The following CRPPA variants were observed in gnomAD, a reference collection of about 807,000 sequenced individuals.
CRPPA encodes CDP-L-ribitol pyrophosphorylase A.
Under a neutral mutation model 52.0 loss-of-function variants are expected in CRPPA, and 43 were observed. That is an observed-to-expected ratio of 0.83 (90% CI 0.65 to 1.07). CRPPA has a LOEUF of 1.07. Among genes scored for constraint, CRPPA ranks in the 50% least tolerant of loss-of-function variants. CRPPA has a pLI of 0.00. For synonymous variants in CRPPA, 250 were observed against 203.5 expected (o/e 1.23, Z -1.94); for missense variants, 629 against 551.7 (o/e 1.14, Z -1.40).
chr7:16,140,605 T>C (rs891336926), intron 9 of CRPPA, among the ~76,000 whole-genome samples: 2 of 152,216 alleles, frequency 1.3e-5, no homozygotes, highest in Non-Finnish European at 2.9e-5. Flanking sequence ...TGCAGAGCAG[T>C]TTGCAAACTA....
chr7:16,094,583 G>GTGTT (rs964989017), intron 9 of CRPPA, among the ~76,000 whole-genome samples: 1 of 151,610 alleles, frequency 6.6e-6, no homozygotes, highest in Non-Finnish European at 1.5e-5. Flanking sequence ...GTGTGTGTGT[G>GTGTT]TATGTGTGTG....
chr7:16,237,756 C>T (rs930725412), intron 8 of CRPPA, among the ~76,000 whole-genome samples: 2 of 152,196 alleles, frequency 1.3e-5, no homozygotes, highest in East Asian at 3.8e-4. Context: ...AGACTTCAAA[C>T]TTAGAAGGCC....
rs936231593 is a variant in CRPPA, at chr7:16,298,929, T to C, written c.835+2492A>G. Among the ~76,000 whole-genome samples, 12 of 152,328 alleles carry C rather than the reference T, an allele frequency of 7.9e-5. 1 individual carries two copies. The highest frequency in any genetic ancestry group is 1.8e-4 in the Non-Finnish European group (12 of 68,028). On this transcript the variant is annotated intron_variant, in intron 5 of 9. Transcript: ENST00000407010. ...GGATTTACACCCTTGACTTCCCTTG[T>C]TCTCAGGCCTTTGGGTTTGTACTGG...
chr7:16,416,518 TGA>T (rs758887701), intron 1 of CRPPA, among the ~76,000 whole-genome samples: 8 of 152,186 alleles, frequency 5.3e-5, no homozygotes, highest in Admixed American at 2.0e-4. Flanking sequence ...AATTGACAAC[TGA>T]GAGAAAATTA....
chr7:16,145,327 T>C (rs1782954305), intron 9 of CRPPA, among the ~76,000 whole-genome samples: 1 of 152,006 alleles, frequency 6.6e-6, no homozygotes, highest in South Asian at 2.1e-4. Context: ...CAAGTACAAT[T>C]CCAGAAACAG....
At chr7:16,403,498 A>G (rs1185517704) in intron 2 of CRPPA, among the ~76,000 whole-genome samples, 1 of 152,194 alleles carries the variant, frequency 6.6e-6, no homozygotes, top group Non-Finnish European at 1.5e-5. Context: ...CTTGTTCAGA[A>G]AATGTGTGTG....
chr7:16,347,565 T>C (rs1374238390), intron 3 of CRPPA, among the ~76,000 whole-genome samples: 1 of 152,102 alleles, frequency 6.6e-6, no homozygotes, highest in African/African-American at 2.4e-5. Flanking sequence ...ATTAGCAATA[T>C]GGCAGAACAG....
intron 9 of CRPPA, among the ~76,000 whole-genome samples, chr7:16,205,398 G>A (rs1038647526): frequency 3.9e-5 from 6 of 152,178 alleles, no homozygotes; most frequent in East Asian, 1.9e-4. Context: ...TAAAAAATAC[G>A]AATGAGACTC....
chr7:16,191,997 T>C (rs923032768), intron 9 of CRPPA, among the ~76,000 whole-genome samples: 2 of 152,160 alleles, frequency 1.3e-5, no homozygotes, highest in Admixed American at 6.6e-5. Context: ...GTGAATTTTT[T>C]AACGATTTAA....
At chr7:16,191,939 G>C (rs774461664) in intron 9 of CRPPA, among the ~76,000 whole-genome samples, 1 of 152,126 alleles carries the variant, frequency 6.6e-6, no homozygotes, top group Non-Finnish European at 1.5e-5. Context: ...GAGATTGTAT[G>C]ATTTGTTCAC....
intron 3 of CRPPA, among the ~76,000 whole-genome samples, chr7:16,325,792 C>G (rs1785370563): frequency 6.6e-6 from 1 of 151,844 alleles, no homozygotes; most frequent in African/African-American, 2.4e-5. Flanking sequence ...CCCTATGAAA[C>G]AAAGGATTTG....
At chr7:16,389,946 T>A (rs1373487325) in intron 2 of CRPPA, among the ~76,000 whole-genome samples, 14 of 84,954 alleles carry the variant, frequency 1.6e-4, no homozygotes, top group African/African-American at 7.4e-4. Context: ...TATATATATA[T>A]ATATATATAT....
rs2128318414 is a variant in CRPPA at position 16,406,069 on chromosome 7, C to T, written c.526G>A (p.Glu176Lys). Residue 176 changes from glutamate to lysine, a missense_variant, in exon 2 of 10, where the codon GAA becomes AAA. Physicochemically the swap from Glu to Lys is moderately conservative, Grantham distance 56. Transcript: ENST00000407010. ...CAAGAAAAAAGACTTACCCCGTGTT[C>T]CTTAGCAGCTGTGACAACTTTAAGA... is the stretch of plus-strand genomic sequence containing the variant. ...VLLKVVTAAK[E>K]HGAAGAIRPL... is the part of the protein sequence containing the mutation. The T allele has an allele frequency of 3.7e-6, 6 of 1,613,194 alleles. No homozygotes were observed. Among genetic ancestry groups the T allele is most frequent in the Non-Finnish European group, 4.2e-6 (5 of 1,179,386 alleles).
intron 2 of CRPPA, among the ~76,000 whole-genome samples, chr7:16,400,331 T>G (rs894348803): frequency 7.2e-5 from 11 of 152,158 alleles, no homozygotes; most frequent in African/African-American, 2.7e-4. Flanking sequence ...CAACACCTGA[T>G]AGACACGTGA....
At chr7:16,250,801 A>T (rs1783427077) in intron 8 of CRPPA, among the ~76,000 whole-genome samples, 1 of 152,172 alleles carries the variant, frequency 6.6e-6, no homozygotes, top group Non-Finnish European at 1.5e-5. Flanking sequence ...TTGATGCTAT[A>T]AAGAAACTGC....
chr7:16,240,606 C>T (rs1345131984), intron 8 of CRPPA, among the ~76,000 whole-genome samples: 1 of 151,436 alleles, frequency 6.6e-6, no homozygotes, highest in Non-Finnish European at 1.5e-5. Context: ...CACACATTCA[C>T]ACACACACTA....
rs927797354 is a variant in CRPPA at position 16,090,861 on chromosome 7, T to A, written c.*834A>T. On this transcript the variant is annotated 3_prime_UTR_variant, in exon 10 of 10. Coordinates refer to ENST00000407010, the MANE Select transcript of CRPPA (RefSeq NM_001101426.4). Reference sequence around the variant, plus strand: ...TGTATATACCAATGAAAACTGGAAATAAGAACTTGATTTTAAAAGGTAGCA... The same window carrying A: ...TGTATATACCAATGAAAACTGGAAAAAAGAACTTGATTTTAAAAGGTAGCA... 1 of 152,236 alleles carries A rather than the reference T, an allele frequency of 6.6e-6. No homozygotes were observed. Among genetic ancestry groups the A allele is most frequent in the East Asian group, 1.9e-4 (1 of 5,186 alleles). The allele number at this position is 152,236 out of a possible 1,614,324, so 9.4% of individuals were successfully genotyped here. A position where few individuals can be genotyped will look rare whatever the true frequency, so the allele number is the denominator to read the frequency against.
In CRPPA at chr7:16,091,563, T is replaced by C. The variant is rs1460656892; in HGVS notation, c.*132A>G. On this transcript the variant is annotated 3_prime_UTR_variant, in exon 10 of 10. Coordinates refer to ENST00000407010, the MANE Select transcript of CRPPA (RefSeq NM_001101426.4). ...ATTAATCTGCTTTATAATCTAAGCA[T>C]CACATCCTACAAATTATAGAGAAGA... 3 of 600,040 alleles carry C rather than the reference T, an allele frequency of 5.0e-6. No individual in the cohort carries two copies. Among genetic ancestry groups the C allele is most frequent in the Admixed American group, 7.3e-5 (2 of 27,510 alleles). 37.2% of individuals were successfully genotyped at this position (600,040 alleles called of 1,614,324 possible).
chr7:16,162,874 A>C (rs1780937782), intron 9 of CRPPA, among the ~76,000 whole-genome samples: 1 of 151,470 alleles, frequency 6.6e-6, no homozygotes, highest in Non-Finnish European at 1.5e-5. Flanking sequence ...TATTGGGTGC[A>C]TATATATTTA....
Sources: allele counts gnomAD v4.1 joint callset (sites outside exome capture counted in the v4.1 genomes callset), GRCh38; gene constraint gnomAD v4.1.1; transcripts MANE v1.5; gene names NCBI Gene and HGNC (gene_info 2026-07-23, HGNC 2026-07-21).